Variants in ABCC4 observed in about 807,000 individuals in gnomAD.
The protein encoded by ABCC4 is ATP-binding cassette sub-family C member 4.
ABCC4 carries 102 observed loss-of-function variants against 168.5 expected under a neutral mutation model. The observed-to-expected ratio is 0.61, with a 90% CI of 0.52 to 0.71. ABCC4 has a LOEUF of 0.71. ABCC4 is among the 30% of genes least tolerant of loss of function. The pLI is 0.00. For synonymous variants in ABCC4, 617 were observed against 590.7 expected, an observed-to-expected ratio of 1.04 and a Z score of -0.65; for missense variants, 1,402 against 1,605.8, an observed-to-expected ratio of 0.87 and a Z score of 2.17.
chr13:95,263,756 GA>G (rs2040595513), intron 1 of ABCC4, among the ~76,000 whole-genome samples: 1 of 151,750 alleles, frequency 6.6e-6, no homozygotes, highest in African/African-American at 2.4e-5. Context: ...CCAGGAAGCA[GA>G]GGTTACAGTG....
intron 13 of ABCC4, among the ~76,000 whole-genome samples, chr13:95,176,244 G>GGGGGGTGT: frequency 2.2e-5 from 1 of 44,960 alleles, no homozygotes; most frequent in East Asian, 7.4e-4. Flanking sequence ...GGGGGGGGGG[G>GGGGGGTGT]GTGGATCCCT....
chr13:95,159,093 T>TTATATATATATATATATATA (rs554884258), intron 19 of ABCC4, among the ~76,000 whole-genome samples: 9 of 61,026 alleles, frequency 1.5e-4, no homozygotes, highest in South Asian at 7.3e-4. Context: ...TAAATAAATT[T>TTATATATATATATATATATA]TATATATATA....
At chr13:95,206,984 G>A (rs2038801493) in intron 7 of ABCC4, among the ~76,000 whole-genome samples, 1 of 152,072 alleles carries the variant, frequency 6.6e-6, no homozygotes, top group South Asian at 2.1e-4. Flanking sequence ...GAAGTATCAT[G>A]TGCTGGAATG....
intron 19 of ABCC4, among the ~76,000 whole-genome samples, chr13:95,151,009 T>C (rs2036655867): frequency 6.6e-6 from 1 of 152,256 alleles, no homozygotes; most frequent in African/African-American, 2.4e-5. Flanking sequence ...AGAACCATTT[T>C]TGGAAATTTT....
At chr13:95,146,350 C>T (rs2036495319) in intron 19 of ABCC4, among the ~76,000 whole-genome samples, 1 of 152,138 alleles carries the variant, frequency 6.6e-6, no homozygotes, top group African/African-American at 2.4e-5. Flanking sequence ...CCAAACCCTC[C>T]ACCACATGTA....
Position 95,222,534 on chromosome 13 carries a change from G to A in ABCC4, c.532-11753C>T, listed in dbSNP as rs188578251. Among the ~76,000 whole-genome samples the A allele has an allele frequency of 5.3e-5, 8 of 152,340 alleles. No individual in the cohort carries two copies. In the East Asian group the frequency reaches 1.5e-3, roughly 29 times the overall value. On this transcript the variant is annotated intron_variant, in intron 4 of 30. Transcript: ENST00000645237. ...GGGAAGGGCCCCAGAAGGCTGTGGG[G>A]TGGGGGTGCTACAAGTCCTTGGCTG...
At chr13:95,049,981 G>C (rs537894295) in intron 27 of ABCC4, among the ~76,000 whole-genome samples, 1 of 152,188 alleles carries the variant, frequency 6.6e-6, no homozygotes, top group Admixed American at 6.5e-5. Flanking sequence ...CTTTAAAGGG[G>C]GTTTCCAAAT....
chr13:95,084,742 C>T (rs4148530), intron 20 of ABCC4, among the ~76,000 whole-genome samples: 43,493 of 152,048 alleles, frequency 0.29, 6,745 homozygotes, highest in Non-Finnish European at 0.37. Flanking sequence ...TAGCAAATGA[C>T]ATGTATGAGC....
intron 6 of ABCC4, among the ~76,000 whole-genome samples, chr13:95,209,054 G>A (rs373566548): frequency 4.0e-3 from 76 of 18,900 alleles, no homozygotes; most frequent in Non-Finnish European, 6.9e-3. Flanking sequence ...ATATATACAC[G>A]TGAAAACAGC....
At chr13:95,194,286 G>A (rs560845333) in intron 9 of ABCC4, among the ~76,000 whole-genome samples, 176 of 152,254 alleles carry the variant, frequency 1.2e-3, no homozygotes, top group Non-Finnish European at 2.2e-3. Flanking sequence ...AGCTTGCTAC[G>A]CCGGCCTGCA....
chr13:95,063,528 G>A (rs2033380747), intron 25 of ABCC4, among the ~76,000 whole-genome samples: 1 of 152,110 alleles, frequency 6.6e-6, no homozygotes, highest in African/African-American at 2.4e-5. Flanking sequence ...GTAGTAACCA[G>A]TAGCCAAAAA....
At chr13:95,156,493 G>A (rs2139524792) in intron 19 of ABCC4, among the ~76,000 whole-genome samples, 1 of 152,248 alleles carries the variant, frequency 6.6e-6, no homozygotes, top group Non-Finnish European at 1.5e-5. Flanking sequence ...CTTAATTTCT[G>A]AAGACTTACT....
At chr13:95,206,819 T>C (rs1390118172) in intron 7 of ABCC4, 38 bp from the exon 8 acceptor site, 2 of 1,607,292 alleles carry the variant, frequency 1.2e-6, no homozygotes, top group Admixed American at 3.3e-5. Flanking sequence ...AGCAGTGATG[T>C]CAACCAGATA....
At chr13:95,281,792 G>T (rs2041131275) in intron 1 of ABCC4, among the ~76,000 whole-genome samples, 1 of 151,802 alleles carries the variant, frequency 6.6e-6, no homozygotes, top group African/African-American at 2.4e-5. Context: ...AATATAGTCT[G>T]CTCAGGCTGC....
rs760531111 is a variant in ABCC4, at chr13:95,021,691, A to G, written c.3871-9T>C. ...TTTCTTTTGAAGTATACCTAGAAAAAAAAAAGGTAAGCATAAAAAGAATGT... is the reference window on the plus strand; with the variant it reads ...TTTCTTTTGAAGTATACCTAGAAAAGAAAAAGGTAAGCATAAAAAGAATGT... On this transcript the variant is annotated splice_polypyrimidine_tract_variant and intron_variant, in intron 30 of 30. Transcript: ENST00000645237. 3 of 1,556,634 alleles carry G rather than the reference A, an allele frequency of 1.9e-6. No homozygotes were observed. Among genetic ancestry groups the G allele is most frequent in the Non-Finnish European group, 2.6e-6 (3 of 1,135,288 alleles).
At chr13:95,163,349 G>GTA (rs1225700083) in intron 17 of ABCC4, 133 bp from the exon 18 acceptor site, 2 of 685,408 alleles carry the variant, frequency 2.9e-6, no homozygotes, top group Non-Finnish European at 4.9e-6. Flanking sequence ...TTAGTCTTGT[G>GTA]TATATCTACC....
intron 30 of ABCC4, 24 bp from the exon 31 acceptor site, chr13:95,021,706 A>G (rs1421038690): frequency 6.6e-7 from 1 of 1,523,614 alleles, no homozygotes; most frequent in Admixed American, 1.8e-5. Context: ...AGGTAAGCAT[A>G]AAAAGAATGT....
rs538862127 is a variant in ABCC4 at position 95,120,368 on chromosome 13, C to T, written c.2456-4367G>A. Among the ~76,000 whole-genome samples, 529 of 152,014 alleles carry T rather than the reference C, an allele frequency of 3.5e-3. 4 individuals carry two copies. The highest frequency in any genetic ancestry group is 0.01 in the African/African-American group (417 of 41,440). On this transcript the variant is annotated intron_variant, in intron 19 of 30. Coordinates refer to ENST00000645237, the MANE Select transcript of ABCC4 (RefSeq NM_005845.5). ...GGTCACGAGGTCAGGAGTTCAAGAC[C>T]GGCCTGGCCAAGATGGTGAAACCCT...
At chr13:95,186,530 G>T (rs2148529) in intron 11 of ABCC4, among the ~76,000 whole-genome samples, 171 bp downstream of exon 11, 136,527 of 152,226 alleles carry the variant, frequency 0.9, 61,452 homozygotes, top group African/African-American at 0.96. Context: ...CGCATCAGAC[G>T]TAAAAGGACA....
Sources: allele counts gnomAD v4.1 joint callset (sites outside exome capture counted in the v4.1 genomes callset), GRCh38; gene constraint gnomAD v4.1.1; transcripts MANE v1.5; gene names NCBI Gene and HGNC (gene_info 2026-07-23, HGNC 2026-07-21).